SUGCT: variants seen among roughly 807,000 people sequenced by gnomAD.
SUGCT encodes succinyl-CoA:glutarate CoA-transferase.
A neutral mutation model predicts 55.0 loss-of-function variants in SUGCT; 41 were observed. That is an observed-to-expected ratio of 0.74 (90% CI 0.58 to 0.97). The LOEUF is 0.97. Ranked by LOEUF, SUGCT falls within the 50% of genes least tolerant of loss-of-function variation. The pLI is 0.00. For synonymous variants in SUGCT, 187 were observed against 200.4 expected (o/e 0.93, Z 0.56); for missense variants, 568 against 547.8 (o/e 1.04, Z -0.37).
intron 9 of SUGCT, among the ~76,000 whole-genome samples, chr7:40,402,730 T>C (rs962800624): frequency 6.6e-6 from 1 of 152,180 alleles, no homozygotes; most frequent in African/African-American, 2.4e-5. Context: ...AATGTCTGTC[T>C]CTCTCTCAGC....
the SUGCT span, among the ~76,000 whole-genome samples, chr7:41,010,935 C>T: frequency 1.3e-5 from 2 of 152,092 alleles, no homozygotes; most frequent in African/African-American, 4.8e-5. Context: ...GAGCCAGGCC[C>T]ACAGCTGATG....
At chr7:40,454,180 A>G (rs1789343426) in intron 10 of SUGCT, among the ~76,000 whole-genome samples, 1 of 152,220 alleles carries the variant, frequency 6.6e-6, no homozygotes. Context: ...CTATTCAACA[A>G]TAACAAAAAG....
intron 13 of SUGCT, among the ~76,000 whole-genome samples, chr7:40,812,715 G>C (rs1434031851): frequency 6.6e-6 from 1 of 151,976 alleles, no homozygotes; most frequent in African/African-American, 2.4e-5. Flanking sequence ...TGGGGTCTCA[G>C]TTTTGTTTGG....
intron 13 of SUGCT, among the ~76,000 whole-genome samples, chr7:40,786,479 T>C (rs1180391034): frequency 1.3e-5 from 2 of 152,218 alleles, no homozygotes; most frequent in Non-Finnish European, 2.9e-5. Flanking sequence ...ATTTCAATTA[T>C]GTTAATGTAA....
rs1797589474 is a variant in SUGCT, at chr7:40,589,436, C to T, written c.1089+93050C>T. On this transcript the variant is annotated intron_variant, in intron 12 of 13. Transcript: ENST00000335693. ...GATCAGCCTTCCAAGATGCTCCCTGCCATTCTAGAGGGTAGGAATGCCAAG... is the reference window on the plus strand; with the variant it reads ...GATCAGCCTTCCAAGATGCTCCCTGTCATTCTAGAGGGTAGGAATGCCAAG... 5.3e-5 allele frequency among the ~76,000 whole-genome samples: 8 copies of T among 152,214 alleles called. No individual in the cohort carries two copies. The South Asian group carries it at 1.7e-3, about 32-fold the overall frequency.
At position 40,451,475 on chromosome 7, in the gene SUGCT, T is replaced by G. The variant is rs192004374; in HGVS notation, c.888+2117T>G. On this transcript the variant is annotated intron_variant, in intron 10 of 13. Transcript: ENST00000335693. ...TATGACTTATTGTTATGGTGTGTTA[T>G]AAGACATTGCTTATAAAGGAGACTA... 5.3e-5 allele frequency among the ~76,000 whole-genome samples: 8 copies of G among 152,330 alleles called. No homozygotes were observed. In the East Asian group the frequency reaches 1.5e-3, roughly 29 times the overall value.
intron 12 of SUGCT, among the ~76,000 whole-genome samples, chr7:40,607,107 T>A (rs1798567466): frequency 9.8e-6 from 1 of 102,072 alleles, no homozygotes; most frequent in Non-Finnish European, 1.9e-5. Context: ...TTTTTCTGGA[T>A]TTTTTTTTTT....
chr7:40,602,065 T>C (rs1798318547), intron 12 of SUGCT, among the ~76,000 whole-genome samples: 1 of 152,186 alleles, frequency 6.6e-6, no homozygotes, highest in Admixed American at 6.5e-5. Context: ...TAAACATGGT[T>C]TCACTTTAAG....
chr7:40,390,883 A>G (rs1785389861), intron 9 of SUGCT, among the ~76,000 whole-genome samples: 1 of 152,248 alleles, frequency 6.6e-6, no homozygotes, highest in Admixed American at 6.5e-5. Context: ...ACTTCAAACT[A>G]TACTACAAGG....
At chr7:40,274,392 T>A in intron 7 of SUGCT, 121 bp from the exon 8 acceptor site, 3 of 958,480 alleles carry the variant, frequency 3.1e-6, no homozygotes, top group Non-Finnish European at 4.6e-6. Flanking sequence ...TTCTTGTGTG[T>A]ATGTGTCTGC....
intron 12 of SUGCT, among the ~76,000 whole-genome samples, chr7:40,497,012 T>C (rs1393477931): frequency 6.6e-6 from 1 of 152,206 alleles, no homozygotes; most frequent in Non-Finnish European, 1.5e-5. Flanking sequence ...TATAACATTG[T>C]TCAAGTGATT....
chr7:40,845,719 A>G (rs1419784049), intron 13 of SUGCT, among the ~76,000 whole-genome samples: 1 of 152,226 alleles, frequency 6.6e-6, no homozygotes, highest in East Asian at 1.9e-4. Flanking sequence ...CAATTGTTCG[A>G]CAAATAATTA....
intron 13 of SUGCT, among the ~76,000 whole-genome samples, chr7:40,859,425 A>G (rs1314910251): frequency 6.6e-6 from 1 of 152,182 alleles, no homozygotes; most frequent in Non-Finnish European, 1.5e-5. Context: ...TCATGTCCTC[A>G]TGGGAAGAAT....
rs781617229 is a variant in SUGCT, at chr7:40,195,048, T to A, written c.472T>A (p.Cys158Ser). ...CGAGATTGCTCCTCACATCATCTAT[T>A]GTTCCATCACAGGTATTTCAACCCC... is the stretch of plus-strand genomic sequence containing the variant. ...IDEIAPHIIYCSITGYGQTGP... is the reference protein window; with the variant it reads ...IDEIAPHIIYSSITGYGQTGP... The change falls in exon 6 of 14, where the codon TGT (cysteine) becomes AGT (serine). Residue 158 changes from cysteine to serine, a missense_variant. Transcript: ENST00000335693. The A allele has an allele frequency of 1.2e-6, 2 of 1,613,452 alleles. No homozygotes were observed. Among genetic ancestry groups the A allele is most frequent in the Non-Finnish European group, 1.7e-6 (2 of 1,179,624 alleles).
intron 12 of SUGCT, among the ~76,000 whole-genome samples, chr7:40,498,689 A>G (rs927302474): frequency 6.6e-6 from 1 of 152,210 alleles, no homozygotes; most frequent in Non-Finnish European, 1.5e-5. Context: ...CATCTGAGAT[A>G]CTGTTTATGA....
chr7:40,619,848 G>A (rs750674680), intron 12 of SUGCT, among the ~76,000 whole-genome samples: 3 of 152,096 alleles, frequency 2.0e-5, no homozygotes, highest in Admixed American at 6.6e-5. Flanking sequence ...TTTATATAAT[G>A]TTTCCTTGTC....
intron 12 of SUGCT, among the ~76,000 whole-genome samples, chr7:40,665,634 G>A (rs1452967033): frequency 3.3e-5 from 5 of 151,952 alleles, no homozygotes; most frequent in Admixed American, 3.3e-4. Flanking sequence ...ACTAGTTTGA[G>A]CATTCCAGAA....
At chr7:40,637,955 A>G (rs1800094767) in intron 12 of SUGCT, among the ~76,000 whole-genome samples, 1 of 152,226 alleles carries the variant, frequency 6.6e-6, no homozygotes, top group African/African-American at 2.4e-5. Context: ...ACTTGATTGC[A>G]TTATTATCTG....
intron 9 of SUGCT, among the ~76,000 whole-genome samples, chr7:40,388,921 T>G (rs1785261020): frequency 6.6e-6 from 1 of 152,174 alleles, no homozygotes; most frequent in South Asian, 2.1e-4. Flanking sequence ...TTTTACCACT[T>G]AAGAACTTAA....
Sources: allele counts gnomAD v4.1 joint callset (sites outside exome capture counted in the v4.1 genomes callset), GRCh38; gene constraint gnomAD v4.1.1; transcripts MANE v1.5; gene names NCBI Gene and HGNC (gene_info 2026-07-23, HGNC 2026-07-21).